HSP90AB1: variants seen among roughly 807,000 people sequenced by gnomAD.
HSP90AB1 encodes heat shock protein HSP 90-beta.
HSP90AB1 carries 17 observed loss-of-function variants against 67.8 expected under a neutral mutation model. That is an observed-to-expected ratio of 0.25 (90% CI 0.17 to 0.38). The LOEUF (loss-of-function observed/expected upper bound fraction) is 0.38, where lower values mean the gene tolerates loss of function less well. Ranked by LOEUF, HSP90AB1 falls within the 10% of genes least tolerant of loss-of-function variation. The pLI, the probability that HSP90AB1 is intolerant of heterozygous loss-of-function variation, is 1.00. For synonymous variants in HSP90AB1, 390 were observed against 312.9 expected, an observed-to-expected ratio of 1.25 and a Z score of -2.60; for missense variants, 690 against 899.9, an observed-to-expected ratio of 0.77 and a Z score of 2.98.
Position 44,249,755 on chromosome 6 carries a change from G to A in HSP90AB1, c.435G>A (p.Val145=), listed in dbSNP as rs1274976759. ...SAYLVAEKVV[V]ITKHNDDEQY... ...ACTTGGTGGCAGAGAAAGTGGTTGT[G>A]ATCACAAAGCACAACGATGATGAAC... The change falls in exon 4 of 12, where the codon GTG becomes GTA. Residue 145 remains valine, a synonymous_variant. Transcript: ENST00000371646. The A allele has an allele frequency of 3.7e-6, 6 of 1,613,926 alleles. No individual in the cohort carries two copies. Among genetic ancestry groups the A allele is most frequent in the Non-Finnish European group, 4.2e-6 (5 of 1,180,014 alleles).
intron 2 of HSP90AB1, among the ~76,000 whole-genome samples, chr6:44,249,172 C>T (rs1210407513): frequency 6.6e-6 from 1 of 152,082 alleles, no homozygotes; most frequent in Non-Finnish European, 1.5e-5. Flanking sequence ...GACCTTGTCT[C>T]TGCAAAAAAT....
At position 44,249,473 on chromosome 6, in the gene HSP90AB1, C is replaced by T. The variant is rs61753592; in HGVS notation, c.244C>T (p.Arg82Cys). 314 of 1,613,716 alleles carry T rather than the reference C, an allele frequency of 1.9e-4. No homozygotes were observed. Among genetic ancestry groups the T allele is most frequent in the Non-Finnish European group, 2.4e-4 (289 of 1,179,726 alleles). ...KIDIIPNPQE[R>C]TLTLVDTGIG... ...TGACATCATCCCCAACCCTCAGGAA[C>T]GTACCCTGACTTTGGTAGACACAGG... The change falls in exon 3 of 12, where the codon CGT (arginine) becomes TGT (cysteine). Residue 82 changes from arginine (R) to cysteine (C), a missense_variant. Arg to Cys is a radical substitution (Grantham distance 180). Transcript: ENST00000371646.
chr6:44,250,378 G>A lies in HSP90AB1; in HGVS notation c.736G>A (p.Glu246Lys), dbSNP rs749230048. Reference protein sequence around the residue: ...EKEEEDKDDEEKPKIEDVGSD... With the variant: ...EKEEEDKDDEKKPKIEDVGSD... ...AGAAGAGGAAGATAAAGATGATGAA[G>A]AAAAACCCAAGATCGAAGATGTGGG... Residue 246 changes from glutamate to lysine, a missense_variant, in exon 6 of 12, where the codon GAA becomes AAA. Transcript: ENST00000371646. 8.7e-6 allele frequency: 14 copies of A among 1,613,566 alleles called. No homozygotes were observed. The highest frequency in any genetic ancestry group is 6.6e-5 in the South Asian group (6 of 91,056).
chr6:44,252,854 G>A (rs1475697248), intron 10 of HSP90AB1, among the ~76,000 whole-genome samples, 191 bp from the exon 11 acceptor site: 1 of 152,012 alleles, frequency 6.6e-6, no homozygotes, highest in East Asian at 1.9e-4. Context: ...CTCCTGAGTG[G>A]CTGGGATTAC....
In HSP90AB1 at chr6:44,247,169, A is replaced by G. The variant is rs1189700226; in HGVS notation, c.-27A>G. Reference sequence around the variant, plus strand: ...GGAAAGCAAGCCTACGTTGCTCACTATTACGTATAATCCTTTTCTTTTCAA... The same window carrying G: ...GGAAAGCAAGCCTACGTTGCTCACTGTTACGTATAATCCTTTTCTTTTCAA... On this transcript the variant is annotated 5_prime_UTR_variant, in exon 1 of 12. Transcript: ENST00000371646. 3 of 152,122 alleles carry G rather than the reference A, an allele frequency of 2.0e-5. No homozygotes were observed. The highest frequency in any genetic ancestry group is 6.5e-5 in the Admixed American group (1 of 15,282). 9.4% of individuals were successfully genotyped at this position (152,122 alleles called of 1,614,324 possible). A position where few individuals can be genotyped will look rare whatever the true frequency, so the allele number is the denominator to read the frequency against.
intron 1 of HSP90AB1, among the ~76,000 whole-genome samples, chr6:44,247,504 T>A (rs796779343): frequency 2.0e-5 from 3 of 152,182 alleles, no homozygotes; most frequent in African/African-American, 7.2e-5. Context: ...ACGCTGCCAT[T>A]TTTGCCCCTC....
intron 2 of HSP90AB1, 122 bp from the exon 3 acceptor site, chr6:44,249,255 C>T: frequency 1.3e-6 from 1 of 752,944 alleles, no homozygotes; most frequent in South Asian, 1.6e-5. Flanking sequence ...GGGAGGATGG[C>T]TCGAACCTGG....
Position 44,252,140 on chromosome 6 carries a change from C to G in HSP90AB1, c.1604C>G (p.Ser535Ter). The G allele has an allele frequency of 6.2e-7, 1 of 1,614,062 alleles. No homozygotes were observed. Among genetic ancestry groups the G allele is most frequent in the Non-Finnish European group, 8.5e-7 (1 of 1,180,014 alleles). ...GAATTTGATGGGAAGAGCCTGGTCT[C>G]AGTTACCAAGGAGGGTCTGGAGCTG... ...LKEFDGKSLV[S>*]VTKEGLELPE... Residue 535 changes from serine to a stop codon, truncating the protein, a stop_gained, in exon 10 of 12, where the codon TCA becomes TGA. Coordinates refer to ENST00000371646, the MANE Select transcript of HSP90AB1 (RefSeq NM_007355.4). LOFTEE classifies it high-confidence loss of function.
rs13296 is a variant in HSP90AB1, at chr6:44,250,383, A to G, written c.741A>G (p.Lys247=). Residue 247 remains lysine, a synonymous_variant, in exon 6 of 12, where the codon AAA becomes AAG. Coordinates refer to ENST00000371646, the MANE Select transcript of HSP90AB1 (RefSeq NM_007355.4). ...AGGAAGATAAAGATGATGAAGAAAA[A>G]CCCAAGATCGAAGATGTGGGTTCAG... is the stretch of plus-strand genomic sequence containing the variant. ...KEEEDKDDEE[K]PKIEDVGSDE... 1,090,580 of 1,612,196 alleles carry G rather than the reference A, an allele frequency of 0.68. 370,928 individuals are homozygous for G. The highest frequency in any genetic ancestry group is 0.82 in the African/African-American group (61,454 of 74,968).
chr6:44,251,461 C>A lies in HSP90AB1; in HGVS notation c.1167C>A (p.Asn389Lys). Residue 389 changes from asparagine (N) to lysine (K), a missense_variant, in exon 8 of 12, where the codon AAC becomes AAA. Physicochemically the swap from Asn to Lys is moderately conservative, Grantham distance 94. Around this residue, in one of 7 missense-constraint regions of HSP90AB1, gnomAD observed 101 missense variants for 174.8 expected, o/e 0.58. Transcript: ENST00000371646. ...TTGACTCTGAGGATCTGCCCCTGAA[C>A]ATCTCCCGAGAAATGCTCCAGCAGA... The part of the protein sequence containing the change: ...GVVDSEDLPL[N>K]ISREMLQQSK... 1 of 1,609,418 alleles carries A rather than the reference C, an allele frequency of 6.2e-7. No individual in the cohort carries two copies. The highest frequency in any genetic ancestry group is 8.5e-7 in the Non-Finnish European group (1 of 1,177,260).
rs775951331 is a variant in HSP90AB1 at position 44,253,537 on chromosome 6, C to T, written c.2114C>T (p.Pro705Leu). Residue 705 changes from proline to leucine, a missense_variant, in exon 12 of 12, where the codon CCT (proline) becomes CTT (leucine). Physicochemically the swap from Pro to Leu is moderately conservative, Grantham distance 98. Transcript: ENST00000371646. ...GCAGAGGAACCCAATGCTGCAGTTC[C>T]TGATGAGATCCCCCCTCTCGAGGGC... is the stretch of plus-strand genomic sequence containing the variant. ...VAAEEPNAAV[P>L]DEIPPLEGDE... The T allele has an allele frequency of 6.2e-7, 1 of 1,614,042 alleles. No homozygotes were observed. The highest frequency in any genetic ancestry group is 8.5e-7 in the Non-Finnish European group (1 of 1,180,010).
chr6:44,247,620 C>G (rs1780079585), intron 1 of HSP90AB1, among the ~76,000 whole-genome samples: 1 of 152,214 alleles, frequency 6.6e-6, no homozygotes, highest in Admixed American at 6.5e-5. Context: ...TGTCACCTCT[C>G]TTATCGGACG....
intron 10 of HSP90AB1, among the ~76,000 whole-genome samples, chr6:44,252,484 A>G (rs1561901480): frequency 6.6e-6 from 1 of 151,604 alleles, no homozygotes; most frequent in Non-Finnish European, 1.5e-5. Context: ...TAGATAAAAT[A>G]CCATCATTTT....
chr6:44,251,011 C>T (rs761067202), intron 6 of HSP90AB1, 37 bp from the exon 7 acceptor site: 5 of 1,600,230 alleles, frequency 3.1e-6, no homozygotes, highest in Admixed American at 1.7e-5. Flanking sequence ...AAAAGGTCCT[C>T]TTTTGAAATG....
intron 7 of HSP90AB1, 31 bp from the exon 8 acceptor site, chr6:44,251,387 T>C (rs1257674074): frequency 1.3e-6 from 2 of 1,589,878 alleles, no homozygotes; most frequent in South Asian, 1.1e-5. Flanking sequence ...AGCTGTTTTT[T>C]ACTGAGCTTT....
At position 44,251,768 on chromosome 6, in the gene HSP90AB1, G is replaced by A. The variant is rs770945397; in HGVS notation, c.1346G>A (p.Arg449His). 16 of 1,613,538 alleles carry A rather than the reference G, an allele frequency of 9.9e-6. 1 individual carries two copies. The highest frequency in any genetic ancestry group is 7.7e-5 in the South Asian group (7 of 91,056). ...ATCCACGAAGACTCCACTAACCGCC[G>A]CCGCCTGTCTGAGCTGCTGCGCTAT... ...LGIHEDSTNR[R>H]RLSELLRYHT... The change falls in exon 9 of 12, where the codon CGC becomes CAC. Residue 449 changes from arginine to histidine, a missense_variant. Transcript: ENST00000371646.
chr6:44,253,817 A>G lies in HSP90AB1; in HGVS notation c.*219A>G, dbSNP rs969559486. On this transcript the variant is annotated 3_prime_UTR_variant, in exon 12 of 12. Coordinates refer to ENST00000371646, the MANE Select transcript of HSP90AB1 (RefSeq NM_007355.4). The stretch of plus-strand genomic sequence containing the variant: ...GATTGGATGTTGTGTATTGTGGTTT[A>G]TTTTATTTTCTTCATTTTGTTCTGA... 3 of 762,484 alleles carry G rather than the reference A, an allele frequency of 3.9e-6. No homozygotes were observed. The highest frequency in any genetic ancestry group is 4.9e-6 in the Non-Finnish European group (2 of 408,020). 47.2% of individuals were successfully genotyped at this position (762,484 alleles called of 1,614,324 possible). A position where few individuals can be genotyped will look rare whatever the true frequency, so the allele number is the denominator to read the frequency against.
chr6:44,251,992 C>G lies in HSP90AB1; in HGVS notation c.1463-7C>G, dbSNP rs760198240. On this transcript the variant is annotated splice_region_variant and splice_polypyrimidine_tract_variant and intron_variant, in intron 9 of 11. Transcript: ENST00000371646. ...TTAGTCACTGAGTTCATTTAATTAC[C>G]CTACAGGTGAGAGCAAAGAGCAGGT... 6.2e-7 allele frequency: 1 copy of G among 1,614,082 alleles called. No homozygotes were observed. The highest frequency in any genetic ancestry group is 1.7e-5 in the Admixed American group (1 of 60,020).
Position 44,249,747 on chromosome 6 carries a change from G to C in HSP90AB1, c.427G>C (p.Val143Leu). 6.2e-7 allele frequency: 1 copy of C among 1,614,108 alleles called. No homozygotes were observed. Among genetic ancestry groups the C allele is most frequent in the Non-Finnish European group, 8.5e-7 (1 of 1,180,008 alleles). The change falls in exon 4 of 12, where the codon GTG (valine) becomes CTG (leucine). Residue 143 changes from valine (V) to leucine (L), a missense_variant. By Grantham distance (32) the Val-to-Leu change is conservative. Around this residue, in one of 7 missense-constraint regions of HSP90AB1, gnomAD observed 88 missense variants for 167.7 expected, o/e 0.52. Coordinates refer to ENST00000371646, the MANE Select transcript of HSP90AB1 (RefSeq NM_007355.4). ...TTCTGCCTACTTGGTGGCAGAGAAA[G>C]TGGTTGTGATCACAAAGCACAACGA... ...FYSAYLVAEKVVVITKHNDDE... is the reference protein window; with the variant it reads ...FYSAYLVAEKLVVITKHNDDE...
Sources: allele counts gnomAD v4.1 joint callset (sites outside exome capture counted in the v4.1 genomes callset), GRCh38; gene constraint gnomAD v4.1.1; regional missense constraint gnomAD v4.1.1; transcripts MANE v1.5; gene names NCBI Gene and HGNC (gene_info 2026-07-23, HGNC 2026-07-21).